Variants in ABHD12B observed in about 807,000 individuals in gnomAD.
ABHD12B encodes abhydrolase domain containing 12B.
Under a neutral mutation model 50.4 loss-of-function variants are expected in ABHD12B, and 42 were observed. The ratio of observed to expected loss-of-function variants is 0.83; its 90% CI spans 0.65 to 1.08. The LOEUF is 1.08. Ranked by LOEUF, ABHD12B falls within the 50% of genes least tolerant of loss-of-function variation. ABHD12B has a pLI of 0.00. For missense variants in ABHD12B, 479 were observed against 447.7 expected, an observed-to-expected ratio of 1.07 and a Z score of -0.63; for synonymous variants, 167 against 160.3, an observed-to-expected ratio of 1.04 and a Z score of -0.32.
chr14:50,879,177 C>G (rs1192661766), intron 3 of ABHD12B, among the ~76,000 whole-genome samples: 2 of 152,196 alleles, frequency 1.3e-5, no homozygotes, highest in Admixed American at 6.5e-5. Flanking sequence ...TTCTATTTCT[C>G]AGCTCCCTGC....
chr14:50,881,562 G>GTTT, intron 4 of ABHD12B, 34 bp from the exon 5 acceptor site: 1 of 651,336 alleles, frequency 1.5e-6, no homozygotes. Context: ...CCTAATTCTT[G>GTTT]CTTTTTTTTT....
At chr14:50,896,764 C>T (rs1337094852) in intron 9 of ABHD12B, among the ~76,000 whole-genome samples, 1 of 152,170 alleles carries the variant, frequency 6.6e-6, no homozygotes, top group Admixed American at 6.5e-5. Flanking sequence ...GGCCCCACCC[C>T]TATCTCCCTT....
At chr14:50,886,098 G>A (rs754793020) in intron 7 of ABHD12B, among the ~76,000 whole-genome samples, 5 of 152,032 alleles carry the variant, frequency 3.3e-5, no homozygotes, top group East Asian at 1.9e-4. Context: ...TCAGCTCTAC[G>A]GTTATCTATT....
At position 50,878,869 on chromosome 14, in the gene ABHD12B, C is replaced by T. The variant is rs765621241; in HGVS notation, c.335+22C>T. 43 of 1,599,816 alleles carry T rather than the reference C, an allele frequency of 2.7e-5. No individual in the cohort carries two copies. In the African/African-American group the frequency reaches 3.0e-4, roughly 11 times the overall value. On this transcript the variant is annotated intron_variant, in intron 3 of 12. Coordinates refer to ENST00000337334, the MANE Select transcript of ABHD12B (RefSeq NM_001206673.2). ...TCTGGTGAGTGCACGGATGGGACAC[C>T]GGGTTGCTTGATGGGGCAGGTGTTC...
chr14:50,889,496 G>A (rs999493583), intron 9 of ABHD12B, among the ~76,000 whole-genome samples: 33 of 152,120 alleles, frequency 2.2e-4, no homozygotes, highest in African/African-American at 7.0e-4. Flanking sequence ...AAATTAGCTG[G>A]GTGTGGCGGC....
At chr14:50,900,201 C>T (rs1484900024) in intron 9 of ABHD12B, among the ~76,000 whole-genome samples, 1 of 152,110 alleles carries the variant, frequency 6.6e-6, no homozygotes, top group East Asian at 1.9e-4. Flanking sequence ...CCACTGCACC[C>T]ACTCCCAGTC....
chr14:50,872,821 G>A (rs2049804843), intron 1 of ABHD12B, among the ~76,000 whole-genome samples: 1 of 152,172 alleles, frequency 6.6e-6, no homozygotes, highest in Non-Finnish European at 1.5e-5. Flanking sequence ...ATAGTGTGTT[G>A]AAACCATAAC....
rs1282724191 is a variant in ABHD12B at position 50,872,104 on chromosome 14, G to A, written c.-71G>A. The A allele has an allele frequency of 1.8e-6, 2 of 1,126,238 alleles. No individual in the cohort carries two copies. Among genetic ancestry groups the A allele is most frequent in the African/African-American group, 3.2e-5 (2 of 61,550 alleles). The allele number at this position is 1,126,238 out of a possible 1,614,324, so 69.8% of individuals were successfully genotyped here. ...GGGCGGGCGCGGTGCCGCCGGGGCG[G>A]GAAGGTCGCGGGCGGCTGCTCCGGA... On this transcript the variant is annotated 5_prime_UTR_variant, in exon 1 of 13. Transcript: ENST00000337334.
intron 5 of ABHD12B, among the ~76,000 whole-genome samples, chr14:50,881,926 GGTT>G (rs200271073): frequency 0.081 from 12,304 of 151,530 alleles, 614 homozygotes; most frequent in Admixed American, 0.11. Flanking sequence ...GGTTGAGAGA[GGTT>G]TTTTTTGTTG....
chr14:50,889,264 C>A (rs778110629), intron 9 of ABHD12B, among the ~76,000 whole-genome samples: 2 of 152,182 alleles, frequency 1.3e-5, no homozygotes, highest in Non-Finnish European at 2.9e-5. Context: ...ATAACTTTAT[C>A]GTAAGAAAGT....
chr14:50,872,345 G>C, intron 1 of ABHD12B, 67 bp downstream of exon 1: 1 of 1,144,360 alleles, frequency 8.7e-7, no homozygotes, highest in Non-Finnish European at 1.1e-6. Flanking sequence ...ATGGGGCAGG[G>C]GGCCAGGGCG....
intron 8 of ABHD12B, 39 bp downstream of exon 8, chr14:50,886,723 C>A: frequency 1.9e-6 from 3 of 1,551,040 alleles, no homozygotes; most frequent in Non-Finnish European, 2.7e-6. Flanking sequence ...TTCCCATCTT[C>A]AGATGGGAAA....
Position 50,901,896 on chromosome 14 carries a change from T to C in ABHD12B, c.848T>C (p.Phe283Ser), listed in dbSNP as rs748838538. Residue 283 changes from phenylalanine to serine, a missense_variant, in exon 10 of 13, where the codon TTT (phenylalanine) becomes TCT (serine). Physicochemically the swap from Phe to Ser is radical, Grantham distance 155 (BLOSUM62 -2). Coordinates refer to ENST00000337334, the MANE Select transcript of ABHD12B (RefSeq NM_001206673.2). ...MDALRKDKII[F>S]PNDENVKFLS... Reference sequence around the variant, plus strand: ...GCCCTGAGAAAAGACAAAATAATCTTTCCTAATGATGAAAAGTAAGTTAAT... The same window carrying C: ...GCCCTGAGAAAAGACAAAATAATCTCTCCTAATGATGAAAAGTAAGTTAAT... 6.2e-5 allele frequency: 99 copies of C among 1,592,986 alleles called. No individual in the cohort carries two copies. The highest frequency in any genetic ancestry group is 9.1e-5 in the South Asian group (8 of 87,852).
Position 50,885,826 on chromosome 14 carries a change from T to C in ABHD12B, c.593T>C (p.Val198Ala). Residue 198 changes from valine to alanine, a missense_variant, in exon 7 of 13, where the codon GTC (valine) becomes GCC (alanine). Val to Ala is a moderately conservative substitution (Grantham distance 64). Coordinates refer to ENST00000337334, the MANE Select transcript of ABHD12B (RefSeq NM_001206673.2). ...EEGLTTDAICVYEWTKARSGI... is the reference protein window; with the variant it reads ...EEGLTTDAICAYEWTKARSGI... Reference sequence around the variant, plus strand: ...GGACTGACTACGGATGCCATTTGTGTCTATGAGTGGACCAAGGCAAGAAGT... The same window carrying C: ...GGACTGACTACGGATGCCATTTGTGCCTATGAGTGGACCAAGGCAAGAAGT... 1 of 1,614,172 alleles carries C rather than the reference T, an allele frequency of 6.2e-7. No homozygotes were observed. The highest frequency in any genetic ancestry group is 8.5e-7 in the Non-Finnish European group (1 of 1,180,038).
intron 9 of ABHD12B, among the ~76,000 whole-genome samples, chr14:50,899,183 A>G (rs1279818680): frequency 6.6e-6 from 1 of 152,042 alleles, no homozygotes; most frequent in East Asian, 1.9e-4. Context: ...CAAGAATGAC[A>G]CTCCGTCTCA....
In ABHD12B at chr14:50,904,689, G is replaced by A. The variant is rs1171103415; in HGVS notation, c.*323G>A. The A allele has an allele frequency of 2.0e-5, 8 of 407,576 alleles. No homozygotes were observed. The Admixed American group carries it at 2.9e-4, about 15-fold the overall frequency. 25.2% of individuals were successfully genotyped at this position (407,576 alleles called of 1,614,324 possible). A position where few individuals can be genotyped will look rare whatever the true frequency, so the allele number is the denominator to read the frequency against. On this transcript the variant is annotated 3_prime_UTR_variant, in exon 13 of 13. Coordinates refer to ENST00000337334, the MANE Select transcript of ABHD12B (RefSeq NM_001206673.2). ...ATTTGTGAATAAGGTAGTTGCTATG[G>A]TCCGAATATCTGGGCCTGCCCCCCC...
Position 50,881,645 on chromosome 14 carries a change from C to T in ABHD12B, c.486+19C>T, listed in dbSNP as rs749088583. The T allele has an allele frequency of 1.9e-6, 3 of 1,612,170 alleles. No homozygotes were observed. Among genetic ancestry groups the T allele is most frequent in the Non-Finnish European group, 2.5e-6 (3 of 1,179,452 alleles). On this transcript the variant is annotated intron_variant, in intron 5 of 12. Transcript: ENST00000337334. Reference sequence around the variant, plus strand: ...GGTAAAGGTATGTCTGAAGAGGCCTCAAAGCACCCATTTCATAAGTCTGTT... The same window carrying T: ...GGTAAAGGTATGTCTGAAGAGGCCTTAAAGCACCCATTTCATAAGTCTGTT...
At chr14:50,889,679 T>C (rs2050091362) in intron 9 of ABHD12B, among the ~76,000 whole-genome samples, 1 of 152,212 alleles carries the variant, frequency 6.6e-6, no homozygotes, top group Non-Finnish European at 1.5e-5. Context: ...ATCCTAACTT[T>C]ATAATCTTAT....
chr14:50,880,391 C>G (rs562686669), intron 3 of ABHD12B, 61 bp from the exon 4 acceptor site: 1 of 1,493,500 alleles, frequency 6.7e-7, no homozygotes, highest in Admixed American at 2.3e-5. Context: ...AGACTTTCGG[C>G]CTTTGGAAAG....
Sources: gnomAD v4.1 joint callset for allele counts (sites outside exome capture counted in the v4.1 genomes callset) on GRCh38, gnomAD v4.1.1 for gene constraint, MANE v1.5 for transcripts, NCBI Gene and HGNC (gene_info 2026-07-23, HGNC 2026-07-21) for gene names.